The following RYR2 variants were observed in gnomAD, a reference collection of about 807,000 sequenced individuals.
RYR2 encodes ryanodine receptor 2.
In RYR2, 227 loss-of-function variants were observed where a neutral mutation model predicts 601.1. The ratio of observed to expected loss-of-function variants is 0.38; its 90% CI spans 0.34 to 0.42. The LOEUF (loss-of-function observed/expected upper bound fraction) is 0.42. Among genes scored for constraint, RYR2 ranks in the 10% least tolerant of loss-of-function variants. RYR2 has a pLI of 1.00. For missense variants in RYR2, 4,646 were observed against 6,156.5 expected (o/e 0.75, Z 8.21); for synonymous variants, 2,223 against 2,175.1 (o/e 1.02, Z -0.61).
chr1:237,781,603 T>C lies in RYR2; in HGVS notation c.11919T>C (p.Asp3973=), dbSNP rs370103782. The change falls in exon 89 of 105, where the codon GAT becomes GAC. Residue 3973 remains aspartate (D), a synonymous_variant. Coordinates refer to ENST00000366574, the MANE Select transcript of RYR2 (RefSeq NM_001035.3). ...TTGAGCTATTAAAAGAATTAATGGA[T>C]CTGCAGAAGGATATGGTGGTCATGT... The part of the protein sequence containing the change: ...SQIELLKELM[D]LQKDMVVMLL... The C allele has an allele frequency of 6.3e-7, 1 of 1,595,300 alleles. No homozygotes were observed. The highest frequency in any genetic ancestry group is 2.2e-5 in the East Asian group (1 of 44,502).
At chr1:237,351,662 T>C (rs987111863) in intron 3 of RYR2, among the ~76,000 whole-genome samples, 2 of 151,996 alleles carry the variant, frequency 1.3e-5, no homozygotes, top group Non-Finnish European at 2.9e-5. Context: ...AACTGTCTTA[T>C]ATTTATTAAA....
chr1:237,815,066 C>T (rs1405776953), intron 100 of RYR2, among the ~76,000 whole-genome samples: 1 of 148,682 alleles, frequency 6.7e-6, no homozygotes, highest in Non-Finnish European at 1.5e-5. Context: ...TATGATCAAC[C>T]TCAGAATGAA....
chr1:237,564,912 A>G (rs141206988), intron 27 of RYR2, among the ~76,000 whole-genome samples: 11 of 152,256 alleles, frequency 7.2e-5, no homozygotes, highest in African/African-American at 2.6e-4. Context: ...ACTTCATCTC[A>G]TTTTAAATTG....
At chr1:237,503,954 C>G (rs772167750) in intron 22 of RYR2, among the ~76,000 whole-genome samples, 1 of 152,162 alleles carries the variant, frequency 6.6e-6, no homozygotes, top group African/African-American at 2.4e-5. Context: ...GTGATCCACC[C>G]GCTTTGGCCT....
chr1:237,445,575 A>C (rs1708257203), intron 14 of RYR2, 53 bp downstream of exon 14: 1 of 1,598,918 alleles, frequency 6.3e-7, no homozygotes, highest in African/African-American at 1.3e-5. Flanking sequence ...TCATTTCTTT[A>C]TTGGATATGC....
In RYR2 at chr1:237,429,258, C is replaced by T. The variant is rs1170684959; in HGVS notation, c.1005+6010C>T. Among the ~76,000 whole-genome samples, 8 of 152,172 alleles carry T rather than the reference C, an allele frequency of 5.3e-5. 1 individual carries two copies. The South Asian group carries it at 8.3e-4, about 16-fold the overall frequency. ...ACTGAGTATCAGGACCCCCATTTTA[C>T]AGATGGGGAAAACCAACGCAGGGAG... On this transcript the variant is annotated intron_variant, in intron 12 of 104. Coordinates refer to ENST00000366574, the MANE Select transcript of RYR2 (RefSeq NM_001035.3).
At chr1:237,208,936 G>GTATA (rs56133827) in intron 1 of RYR2, among the ~76,000 whole-genome samples, 25 of 89,840 alleles carry the variant, frequency 2.8e-4, no homozygotes, top group African/African-American at 7.5e-4. Flanking sequence ...ATGTGTGTGT[G>GTATA]TATATATATA....
intron 1 of RYR2, among the ~76,000 whole-genome samples, chr1:237,159,901 G>C (rs577774505): frequency 6.6e-6 from 1 of 152,016 alleles, no homozygotes; most frequent in African/African-American, 2.4e-5. Context: ...AATTATTAAC[G>C]TGCACTTGAA....
intron 1 of RYR2, among the ~76,000 whole-genome samples, chr1:237,120,262 C>T (rs570604894): frequency 4.2e-4 from 64 of 152,222 alleles, no homozygotes; most frequent in African/African-American, 1.5e-3. Flanking sequence ...TAAATGTGAG[C>T]AACTCTTCCT....
intron 1 of RYR2, among the ~76,000 whole-genome samples, chr1:237,191,294 ACTGT>A (rs1435478269): frequency 6.6e-6 from 1 of 151,972 alleles, no homozygotes; most frequent in East Asian, 1.9e-4. Flanking sequence ...CCACTACCAC[ACTGT>A]CTGATTACTG....
At chr1:237,444,328 G>A (rs1417917455) in intron 13 of RYR2, among the ~76,000 whole-genome samples, 3 of 151,900 alleles carry the variant, frequency 2.0e-5, no homozygotes, top group Non-Finnish European at 2.9e-5. Context: ...TTTCATTTTA[G>A]TCATTCTTTT....
intron 29 of RYR2, among the ~76,000 whole-genome samples, chr1:237,576,728 T>G (rs1176443067): frequency 6.6e-6 from 1 of 152,144 alleles, no homozygotes; most frequent in Non-Finnish European, 1.5e-5. Context: ...GGGGAGAAGC[T>G]ATTCACAATG....
At position 237,614,241 on chromosome 1, in the gene RYR2, C is replaced by G. The variant is rs758505837; in HGVS notation, c.5113C>G (p.Leu1705Val). 6.2e-7 allele frequency: 1 copy of G among 1,614,038 alleles called. No homozygotes were observed. Among genetic ancestry groups the G allele is most frequent in the South Asian group, 1.1e-5 (1 of 91,092 alleles). Residue 1705 changes from leucine (L) to valine (V), a missense_variant, in exon 37 of 105, where the codon CTG (leucine) becomes GTG (valine). By Grantham distance (32) the Leu-to-Val change is conservative. Around this residue, in one of 17 missense-constraint regions of RYR2, gnomAD observed 1,807 missense variants for 2,088.1 expected, o/e 0.87. Coordinates refer to ENST00000366574, the MANE Select transcript of RYR2 (RefSeq NM_001035.3). The surrounding 1 kb of genome is among the most constrained non-coding windows in gnomAD (Gnocchi z 4.3). Reference sequence around the variant, plus strand: ...TTTGCTGCGTGCTGGCTACTATGACCTGCTGATTGACATCCACCTGAGCTC... The same window carrying G: ...TTTGCTGCGTGCTGGCTACTATGACGTGCTGATTGACATCCACCTGAGCTC... ...PGLLRAGYYD[L>V]LIDIHLSSYA...
intron 2 of RYR2, among the ~76,000 whole-genome samples, chr1:237,314,311 G>A (rs2149501223): frequency 6.6e-6 from 1 of 152,098 alleles, no homozygotes. Flanking sequence ...TGATCCACCT[G>A]CCTCAGCCTC....
chr1:237,437,708 C>T (rs549466921), intron 12 of RYR2, among the ~76,000 whole-genome samples: 5 of 152,302 alleles, frequency 3.3e-5, no homozygotes, highest in African/African-American at 9.6e-5. Flanking sequence ...AATATCCATA[C>T]GCACCTCTTA....
chr1:237,656,540 G>T lies in RYR2; in HGVS notation c.8129+556G>T, dbSNP rs1285589806. 2.0e-5 allele frequency among the ~76,000 whole-genome samples: 3 copies of T among 152,306 alleles called. No individual in the cohort carries two copies. The East Asian group carries it at 5.8e-4, about 29-fold the overall frequency. ...AATAGGATGTTTGGGAACTTCAGGTGTTCGACGTCTGAGCATTTTGTTGTT... is the reference window on the plus strand; with the variant it reads ...AATAGGATGTTTGGGAACTTCAGGTTTTCGACGTCTGAGCATTTTGTTGTT... On this transcript the variant is annotated intron_variant, in intron 53 of 104. Transcript: ENST00000366574.
chr1:237,505,527 T>C (rs1665131231), intron 22 of RYR2, among the ~76,000 whole-genome samples: 1 of 152,210 alleles, frequency 6.6e-6, no homozygotes, highest in Non-Finnish European at 1.5e-5. Context: ...ACATTGTTCA[T>C]GGCCAAAATT....
chr1:237,725,897 T>C (rs1690153592), intron 74 of RYR2, among the ~76,000 whole-genome samples: 1 of 152,222 alleles, frequency 6.6e-6, no homozygotes, highest in Middle Eastern at 3.4e-3. Flanking sequence ...AGCTATCATC[T>C]ACAGACTGGG....
chr1:237,362,796 G>C (rs151199586), intron 4 of RYR2, among the ~76,000 whole-genome samples: 128 of 152,212 alleles, frequency 8.4e-4, no homozygotes, highest in African/African-American at 3.0e-3. Context: ...TGATGTTTGT[G>C]TCTTACATCT....
Sources: allele counts gnomAD v4.1 joint callset (sites outside exome capture counted in the v4.1 genomes callset), GRCh38; gene constraint gnomAD v4.1.1; regional missense constraint gnomAD v4.1.1; non-coding constraint Gnocchi (gnomAD v3.1); transcripts MANE v1.5; gene names NCBI Gene and HGNC (gene_info 2026-07-23, HGNC 2026-07-21).